Variants in PLAC8 observed in about 807,000 individuals in gnomAD.
PLAC8 encodes placenta associated 8.
A neutral mutation model predicts 12.6 loss-of-function variants in PLAC8; 6 were observed. The observed-to-expected ratio is 0.48, with a 90% CI of 0.26 to 0.94. The LOEUF is 0.94. Ranked by LOEUF, PLAC8 falls within the 40% of genes least tolerant of loss-of-function variation. PLAC8 has a pLI of 0.14. For synonymous variants in PLAC8, 54 were observed against 52.6 expected, an observed-to-expected ratio of 1.03 and a Z score of -0.11; for missense variants, 122 against 152.7, an observed-to-expected ratio of 0.80 and a Z score of 1.06.
chr4:83,100,439 C>G lies in PLAC8; in HGVS notation c.243+4457G>C, dbSNP rs560311485. 8.7e-4 allele frequency among the ~76,000 whole-genome samples: 132 copies of G among 152,154 alleles called. 1 individual carries two copies. Among genetic ancestry groups the G allele is most frequent in the African/African-American group, 3.1e-3 (128 of 41,488 alleles). ...ATGCTTCCTGTACAGCCTGTGGAAC[C>G]ATGAGCCAATTAAACCTCTTTTCTT... On this transcript the variant is annotated intron_variant, in intron 3 of 4. Coordinates refer to ENST00000311507, the MANE Select transcript of PLAC8 (RefSeq NM_016619.3).
chr4:83,104,486 G>C (rs796382820), intron 3 of PLAC8, among the ~76,000 whole-genome samples: 1 of 152,090 alleles, frequency 6.6e-6, no homozygotes, highest in Admixed American at 6.6e-5. Flanking sequence ...ATTGAGTATC[G>C]ACTCTTTCTC....
At chr4:83,102,236 C>T (rs942436687) in intron 3 of PLAC8, among the ~76,000 whole-genome samples, 1 of 152,000 alleles carries the variant, frequency 6.6e-6, no homozygotes, top group Admixed American at 6.5e-5. Flanking sequence ...TCATTAAGAA[C>T]ATTCATGATT....
chr4:83,100,048 A>G (rs914051413), intron 3 of PLAC8, among the ~76,000 whole-genome samples: 1 of 149,002 alleles, frequency 6.7e-6, no homozygotes, highest in Non-Finnish European at 1.5e-5. Context: ...AGGCGGGCAG[A>G]TCACAAGGTC....
At chr4:83,106,617 C>CA (rs58523251) in intron 2 of PLAC8, among the ~76,000 whole-genome samples, 4,650 of 150,594 alleles carry the variant, frequency 0.031, 149 homozygotes, top group African/African-American at 0.081. Context: ...GACTGTGTCT[C>CA]AAAAAAAACA....
At chr4:83,102,680 T>G (rs1732132618) in intron 3 of PLAC8, among the ~76,000 whole-genome samples, 1 of 152,156 alleles carries the variant, frequency 6.6e-6, no homozygotes, top group Admixed American at 6.5e-5. Context: ...TAACTACAGA[T>G]GTGGTAGAAA....
Position 83,114,689 on chromosome 4 carries a change from A to C in PLAC8, c.-53T>G, listed in dbSNP as rs991911642. On this transcript the variant is annotated 5_prime_UTR_variant, in exon 1 of 5. Coordinates refer to ENST00000311507, the MANE Select transcript of PLAC8 (RefSeq NM_016619.3). Reference sequence around the variant, plus strand: ...ACAATTAGTAAACAAGGTTCCGAGCAGGAAATGTCTTGTGGCCTGGGAGAG... The same window carrying C: ...ACAATTAGTAAACAAGGTTCCGAGCCGGAAATGTCTTGTGGCCTGGGAGAG... The C allele has an allele frequency of 6.6e-6, 1 of 152,196 alleles. No individual in the cohort carries two copies. The highest frequency in any genetic ancestry group is 1.5e-5 in the Non-Finnish European group (1 of 68,024). 9.4% of individuals were successfully genotyped at this position (152,196 alleles called of 1,614,324 possible).
chr4:83,107,791 C>G lies in PLAC8; in HGVS notation c.118+13G>C. ...CGGTATCAAATAAGGGGGTTCTTTC[C>G]CCACACACTTACAGACTCCGCAGTC... On this transcript the variant is annotated intron_variant, in intron 2 of 4. Transcript: ENST00000311507. The G allele has an allele frequency of 6.5e-7, 1 of 1,542,432 alleles. No homozygotes were observed. Among genetic ancestry groups the G allele is most frequent in the Non-Finnish European group, 8.9e-7 (1 of 1,121,618 alleles).
At chr4:83,106,446 C>T (rs949265611) in intron 2 of PLAC8, among the ~76,000 whole-genome samples, 10 of 151,670 alleles carry the variant, frequency 6.6e-5, no homozygotes, top group African/African-American at 2.4e-4. Flanking sequence ...GATGAAACCC[C>T]ATCTCTACTA....
At chr4:83,104,730 A>G (rs1405301149) in intron 3 of PLAC8, among the ~76,000 whole-genome samples, 166 bp downstream of exon 3, 1 of 152,260 alleles carries the variant, frequency 6.6e-6, no homozygotes, top group Non-Finnish European at 1.5e-5. Context: ...GAAGGAGGCC[A>G]CATAACCAGA....
intron 4 of PLAC8, among the ~76,000 whole-genome samples, chr4:83,092,240 G>A (rs1731822037): frequency 6.6e-6 from 1 of 152,182 alleles, no homozygotes. Context: ...CTATGAATGT[G>A]TGGGTAGATA....
At chr4:83,112,729 G>A (rs1452774538) in intron 1 of PLAC8, among the ~76,000 whole-genome samples, 1 of 152,224 alleles carries the variant, frequency 6.6e-6, no homozygotes, top group African/African-American at 2.4e-5. Flanking sequence ...GCGCCTCTGT[G>A]ATCATTTAAA....
In PLAC8 at chr4:83,094,631, T is replaced by C. The variant is rs572705731; in HGVS notation, c.*9+47A>G. On this transcript the variant is annotated intron_variant, in intron 4 of 4. Transcript: ENST00000311507. ...ATAATTGACAAAGTCTTTAGTGATA[T>C]TTCTAAAAACCCACATGTTCTGAGA... The C allele has an allele frequency of 1.1e-5, 11 of 993,470 alleles. No individual in the cohort carries two copies. In the African/African-American group the frequency reaches 1.8e-4, roughly 16 times the overall value. The allele number at this position is 993,470 out of a possible 1,614,324, so 61.5% of individuals were successfully genotyped here.
rs1486107786 is a variant in PLAC8 at position 83,090,556 on chromosome 4, A to AT, written c.*424dup. The AT allele has an allele frequency of 7.2e-6, 1 of 138,582 alleles. No individual in the cohort carries two copies. The highest frequency in any genetic ancestry group is 2.3e-4 in the South Asian group (1 of 4,422). 8.6% of individuals were successfully genotyped at this position (138,582 alleles called of 1,614,324 possible). A position where few individuals can be genotyped will look rare whatever the true frequency, so the allele number is the denominator to read the frequency against. ...AAAAAAAAAAAAAAAAGAAAGAAAG[A>AT]TCCCCCAACTCTATTAAAAAAAAAA... is the stretch of plus-strand genomic sequence containing the variant. On this transcript the variant is annotated 3_prime_UTR_variant, in exon 5 of 5. Transcript: ENST00000311507.
chr4:83,100,324 C>T (rs933903781), intron 3 of PLAC8, among the ~76,000 whole-genome samples: 5 of 151,898 alleles, frequency 3.3e-5, no homozygotes, highest in Non-Finnish European at 5.9e-5. Context: ...CTCCCTTCCT[C>T]CTGCTCCAGT....
chr4:83,109,227 T>C (rs1419518870), intron 1 of PLAC8, among the ~76,000 whole-genome samples: 1 of 152,214 alleles, frequency 6.6e-6, no homozygotes, highest in Admixed American at 6.5e-5. Flanking sequence ...TCTAAAGAAT[T>C]TGTCTTTAAA....
chr4:83,091,229 C>A (rs1299946463), intron 4 of PLAC8, among the ~76,000 whole-genome samples: 1 of 152,120 alleles, frequency 6.6e-6, no homozygotes, highest in Non-Finnish European at 1.5e-5. Flanking sequence ...TCAGTTTTTA[C>A]CTACTTTAAT....
At chr4:83,099,426 A>G (rs1384465472) in intron 3 of PLAC8, among the ~76,000 whole-genome samples, 1 of 151,990 alleles carries the variant, frequency 6.6e-6, no homozygotes. Context: ...TTCTTGCAAT[A>G]TTTCAATTTT....
In PLAC8 at chr4:83,100,494, T is replaced by C. The variant is rs138809349; in HGVS notation, c.243+4402A>G. ...AATTACCCAGTCTCAGGTACTTCTT[T>C]ATAGCAATGCGAGAACCTTTTCTTT... On this transcript the variant is annotated intron_variant, in intron 3 of 4. Coordinates refer to ENST00000311507, the MANE Select transcript of PLAC8 (RefSeq NM_016619.3). Among the ~76,000 whole-genome samples, 625 of 65,762 alleles carry C rather than the reference T, an allele frequency of 9.5e-3. 5 individuals are homozygous for C. Among genetic ancestry groups the C allele is most frequent in the African/African-American group, 0.04 (584 of 14,430 alleles). 43.1% of individuals were successfully genotyped at this position (65,762 alleles called of 152,430 possible).
At chr4:83,105,045 A>T in intron 2 of PLAC8, 25 bp from the exon 3 acceptor site, 1 of 1,613,846 alleles carries the variant, frequency 6.2e-7, no homozygotes, top group Non-Finnish European at 8.5e-7. Context: ...CCAGGGGTAC[A>T]TATTACTCCA....
Sources: gnomAD v4.1 joint callset for allele counts (sites outside exome capture counted in the v4.1 genomes callset) on GRCh38, gnomAD v4.1.1 for gene constraint, MANE v1.5 for transcripts, NCBI Gene and HGNC (gene_info 2026-07-23, HGNC 2026-07-21) for gene names.